TULP4: variants seen among roughly 807,000 people sequenced by gnomAD.
TULP4 encodes tubby-related protein 4.
Under a neutral mutation model 129.0 loss-of-function variants are expected in TULP4, and 16 were observed. The ratio of observed to expected loss-of-function variants is 0.12; its 90% CI spans 0.08 to 0.19. The LOEUF is 0.19. Ranked by LOEUF, TULP4 falls within the 10% of genes least tolerant of loss-of-function variation. The probability of loss-of-function intolerance (pLI) is 1.00; values close to 1 mark genes in which losing one functional copy is unlikely to be tolerated. For missense variants in TULP4, 1,842 were observed against 2,059.1 expected (o/e 0.89, Z 2.04); for synonymous variants, 998 against 854.0 (o/e 1.17, Z -2.94).
chr6:158,381,002 A>G (rs1043709647), intron 1 of TULP4, among the ~76,000 whole-genome samples: 2 of 151,732 alleles, frequency 1.3e-5, no homozygotes, highest in Non-Finnish European at 2.9e-5. Context: ...GGTTCTGCCA[A>G]CTTGGAAGGG....
intron 13 of TULP4, among the ~76,000 whole-genome samples, chr6:158,504,427 A>G (rs1394593208): frequency 6.6e-6 from 1 of 151,816 alleles, no homozygotes; most frequent in Non-Finnish European, 1.5e-5. Context: ...GCTTCCTGCA[A>G]GCTACGCCTC....
At chr6:158,243,847 GGTGTGTGTGTGTGTGTGT>G (rs57298904) in intron 1 of TULP4, among the ~76,000 whole-genome samples, 9 of 143,602 alleles carry the variant, frequency 6.3e-5, no homozygotes, top group Admixed American at 2.1e-4. Context: ...AGCTGAAATA[GGTGTGTGTGTGTGTGTGT>G]GTGTGTGTGT....
At chr6:158,394,828 G>T (rs186117837) in intron 1 of TULP4, among the ~76,000 whole-genome samples, 2 of 140,930 alleles carry the variant, frequency 1.4e-5, no homozygotes, top group Non-Finnish European at 3.0e-5. Flanking sequence ...ACTACCTGAG[G>T]CAGGGTAATT....
upstream of TULP4, among the ~76,000 whole-genome samples, chr6:158,308,637 C>T (rs554419468): frequency 3.4e-5 from 5 of 148,056 alleles, no homozygotes; most frequent in South Asian, 1.1e-3. Context: ...GGGGCTGACC[C>T]CCCCACCTCC....
At chr6:158,456,901 A>C (rs1183715813) in intron 5 of TULP4, among the ~76,000 whole-genome samples, 2 of 151,596 alleles carry the variant, frequency 1.3e-5, no homozygotes, top group African/African-American at 4.8e-5. Context: ...CTGTGCCCCG[A>C]CAGTGCTATA....
chr6:158,285,324 T>C (rs1778818048), intron 1 of TULP4, among the ~76,000 whole-genome samples: 2 of 152,208 alleles, frequency 1.3e-5, no homozygotes, highest in African/African-American at 4.8e-5. Flanking sequence ...TATTTGTTTA[T>C]TGTTGCTGGA....
intron 6 of TULP4, among the ~76,000 whole-genome samples, chr6:158,475,697 A>T (rs891070833): frequency 6.6e-6 from 1 of 152,196 alleles, no homozygotes; most frequent in African/African-American, 2.4e-5. Context: ...GCCATCACCC[A>T]TGAACCTAGA....
At chr6:158,240,811 C>A (rs191232969) in intron 1 of TULP4, among the ~76,000 whole-genome samples, 1,685 of 148,930 alleles carry the variant, frequency 0.011, 40 homozygotes, top group African/African-American at 0.038. Context: ...CCCCCCACCT[C>A]CCTCCCGGAT....
intron 1 of TULP4, among the ~76,000 whole-genome samples, chr6:158,353,760 A>G (rs2114809690): frequency 6.6e-6 from 1 of 152,340 alleles, no homozygotes; most frequent in African/African-American, 2.4e-5. Context: ...ATCTCTGTGA[A>G]TAGATCATTC....
chr6:158,275,557 A>G (rs972451146), intron 1 of TULP4, among the ~76,000 whole-genome samples: 1 of 152,166 alleles, frequency 6.6e-6, no homozygotes, highest in Non-Finnish European at 1.5e-5. Flanking sequence ...CTCAATGCCC[A>G]TTCTAACCCA....
At chr6:158,400,051 T>C (rs1279319393) in intron 1 of TULP4, among the ~76,000 whole-genome samples, 1 of 152,236 alleles carries the variant, frequency 6.6e-6, no homozygotes, top group Non-Finnish European at 1.5e-5. Flanking sequence ...CAGAATTGCA[T>C]AACACAAATC....
At chr6:158,310,745 G>T (rs1349470673), upstream of TULP4, among the ~76,000 whole-genome samples, 2 of 152,076 alleles carry the variant, frequency 1.3e-5, no homozygotes, top group Non-Finnish European at 2.9e-5. Context: ...GGTATTCCAT[G>T]AAAAAAGCAA....
At chr6:158,331,337 C>T (rs1480060493) in intron 1 of TULP4, among the ~76,000 whole-genome samples, 1 of 152,126 alleles carries the variant, frequency 6.6e-6, no homozygotes, top group Non-Finnish European at 1.5e-5. Flanking sequence ...ACCTACCTAT[C>T]TGTGAACTCT....
upstream of TULP4, among the ~76,000 whole-genome samples, chr6:158,281,057 CAG>C (rs779017613): frequency 5.3e-5 from 8 of 152,230 alleles, no homozygotes; most frequent in East Asian, 7.7e-4. Context: ...TGGATTATGA[CAG>C]GGGGCCAGGG....
chr6:158,278,953 T>G (rs913213874), upstream of TULP4, among the ~76,000 whole-genome samples: 4 of 150,180 alleles, frequency 2.7e-5, no homozygotes, highest in African/African-American at 7.3e-5. Context: ...TTTTTTTTTT[T>G]TTTTGAGACG....
rs1277583193 is a variant in TULP4 at position 158,413,827 on chromosome 6, C to G, written c.381+634C>G. On this transcript the variant is annotated intron_variant, in intron 2 of 13. Transcript: ENST00000367097. The surrounding 1 kb of genome is among the most constrained non-coding windows in gnomAD (Gnocchi z 4.9). ...CACCTTTTGTATGGGTTTAAGGACA[C>G]ACATTGGAGCAGGCAGCTCCCATCC... Among the ~76,000 whole-genome samples the G allele has an allele frequency of 6.6e-6, 1 of 152,224 alleles. No individual in the cohort carries two copies. Among genetic ancestry groups the G allele is most frequent in the Non-Finnish European group, 1.5e-5 (1 of 68,040 alleles).
At chr6:158,485,636 G>A (rs1383797438) in intron 8 of TULP4, among the ~76,000 whole-genome samples, 1 of 152,254 alleles carries the variant, frequency 6.6e-6, no homozygotes, top group Non-Finnish European at 1.5e-5. Context: ...AGGCCAGATG[G>A]CCTTTGCACA....
At chr6:158,467,570 C>T (rs181458753) in intron 6 of TULP4, among the ~76,000 whole-genome samples, 154 of 152,300 alleles carry the variant, frequency 1.0e-3, no homozygotes, top group African/African-American at 3.6e-3. Context: ...CGTGAGCCAC[C>T]GCGCCCTGCC....
At chr6:158,309,694 GC>G (rs1425305680), upstream of TULP4, among the ~76,000 whole-genome samples, 4 of 152,130 alleles carry the variant, frequency 2.6e-5, no homozygotes, top group Non-Finnish European at 4.4e-5. Flanking sequence ...CTGGAGACCA[GC>G]CTGGCCAACA....
Sources: gnomAD v4.1 joint callset for allele counts (sites outside exome capture counted in the v4.1 genomes callset) on GRCh38, gnomAD v4.1.1 for gene constraint, Gnocchi (gnomAD v3.1) non-coding constraint, MANE v1.5 for transcripts, NCBI Gene and HGNC (gene_info 2026-07-23, HGNC 2026-07-21) for gene names.